The following TRHR variants were observed in gnomAD, a reference collection of about 807,000 sequenced individuals.
TRHR encodes the protein thyrotropin-releasing hormone receptor.
Under a neutral mutation model 28.0 loss-of-function variants are expected in TRHR, and 14 were observed. That is an observed-to-expected ratio of 0.50 (90% CI 0.33 to 0.78). The LOEUF (loss-of-function observed/expected upper bound fraction) is 0.78. TRHR is among the 30% of genes least tolerant of loss of function. The pLI is 0.02. For missense variants in TRHR, 438 were observed against 469.5 expected, an observed-to-expected ratio of 0.93 and a Z score of 0.62; for synonymous variants, 176 against 171.9, an observed-to-expected ratio of 1.02 and a Z score of -0.18.
intron 2 of TRHR, among the ~76,000 whole-genome samples, chr8:109,110,417 T>A (rs537835741): frequency 7.2e-5 from 11 of 152,072 alleles, no homozygotes; most frequent in African/African-American, 2.2e-4. Flanking sequence ...TATGTCACTT[T>A]TTTTTTTTCT....
At chr8:109,118,960 G>A in intron 2 of TRHR, 88 bp from the exon 3 acceptor site, 2 of 1,540,120 alleles carry the variant, frequency 1.3e-6, no homozygotes, top group Non-Finnish European at 1.8e-6. Context: ...CTACATTTTG[G>A]GAACTAAAGG....
In TRHR at chr8:109,088,070, T is replaced by A; in HGVS notation, c.558T>A (p.Asn186Lys). The A allele has an allele frequency of 1.2e-6, 2 of 1,614,198 alleles. No individual in the cohort carries two copies. Among genetic ancestry groups the A allele is most frequent in the Non-Finnish European group, 1.7e-6 (2 of 1,180,038 alleles). Reference protein sequence around the residue: ...VISCGYKISRNYYSPIYLMDF... With the variant: ...VISCGYKISRKYYSPIYLMDF... Reference sequence around the variant, plus strand: ...CCTGTGGCTACAAGATCTCCAGGAATTACTACTCACCTATTTACCTAATGG... The same window carrying A: ...CCTGTGGCTACAAGATCTCCAGGAAATACTACTCACCTATTTACCTAATGG... The change falls in exon 2 of 3, where the codon AAT (asparagine) becomes AAA (lysine). Residue 186 changes from asparagine (N) to lysine (K), a missense_variant. Coordinates refer to ENST00000518632, the MANE Select transcript of TRHR (RefSeq NM_003301.7).
rs1025884483 is a variant in TRHR, at chr8:109,119,899, T to C, written c.*444T>C. On this transcript the variant is annotated 3_prime_UTR_variant, in exon 3 of 3. Coordinates refer to ENST00000518632, the MANE Select transcript of TRHR (RefSeq NM_003301.7). ...TTTGCATTTAGTATTCATTTTAACA[T>C]AGTACAGGGCTAGTTCATGAATATC... Among the ~76,000 whole-genome samples the C allele has an allele frequency of 1.3e-5, 2 of 151,866 alleles. No individual in the cohort carries two copies. The highest frequency in any genetic ancestry group is 2.9e-5 in the Non-Finnish European group (2 of 67,882).
chr8:109,106,441 G>A (rs993712267), intron 2 of TRHR, among the ~76,000 whole-genome samples: 4 of 152,104 alleles, frequency 2.6e-5, no homozygotes, highest in African/African-American at 9.7e-5. Flanking sequence ...AAATCATATT[G>A]AGTTAGCATT....
chr8:109,096,139 G>A (rs762034435), intron 2 of TRHR, among the ~76,000 whole-genome samples: 4 of 151,920 alleles, frequency 2.6e-5, no homozygotes, highest in Admixed American at 1.3e-4. Flanking sequence ...CTACATTTTC[G>A]GCTTCCTCTC....
At chr8:109,093,565 C>A (rs557544337) in intron 2 of TRHR, among the ~76,000 whole-genome samples, 14 of 151,890 alleles carry the variant, frequency 9.2e-5, no homozygotes, top group East Asian at 1.9e-4. Context: ...ACCACCATGG[C>A]CAGCTAATTT....
At chr8:109,107,493 C>T (rs1160027286) in intron 2 of TRHR, among the ~76,000 whole-genome samples, 3 of 152,206 alleles carry the variant, frequency 2.0e-5, no homozygotes, top group South Asian at 2.1e-4. Context: ...CTGTCCCCTT[C>T]ACCACTATAC....
Position 109,112,351 on chromosome 8 carries a change from C to G in TRHR, c.790-6697C>G, listed in dbSNP as rs560781115. ...TGAGGTATGAATCAAATCCTTATGA[C>G]TCCCTAGGCAAACTAATAAGCTAAT... is the stretch of plus-strand genomic sequence containing the variant. On this transcript the variant is annotated intron_variant, in intron 2 of 2. Coordinates refer to ENST00000518632, the MANE Select transcript of TRHR (RefSeq NM_003301.7). 3.8e-4 allele frequency among the ~76,000 whole-genome samples: 58 copies of G among 152,248 alleles called. 1 individual carries two copies. The South Asian group carries it at 0.011, about 30-fold the overall frequency.
At chr8:109,099,820 G>C (rs1811649364) in intron 2 of TRHR, among the ~76,000 whole-genome samples, 1 of 152,188 alleles carries the variant, frequency 6.6e-6, no homozygotes. Context: ...TATAGTAGCT[G>C]CAAGAAAGTA....
At chr8:109,101,242 G>A (rs554745356) in intron 2 of TRHR, among the ~76,000 whole-genome samples, 1 of 152,254 alleles carries the variant, frequency 6.6e-6, no homozygotes, top group Admixed American at 6.5e-5. Flanking sequence ...ATAGCATTGA[G>A]GATAGGGAAG....
rs1301860730 is a variant in TRHR at position 109,119,614 on chromosome 8, G to T, written c.*159G>T. ...GGCCCTAGATACTTTAACCCATGAG[G>T]ATGATTCAGACTTTCCTTCTTACAA... On this transcript the variant is annotated 3_prime_UTR_variant, in exon 3 of 3. Transcript: ENST00000518632. The T allele has an allele frequency of 1.3e-6, 1 of 781,972 alleles. No individual in the cohort carries two copies. Among genetic ancestry groups the T allele is most frequent in the Non-Finnish European group, 2.0e-6 (1 of 498,624 alleles). 48.4% of individuals were successfully genotyped at this position (781,972 alleles called of 1,614,324 possible).
chr8:109,115,704 G>A (rs1276702480), intron 2 of TRHR, among the ~76,000 whole-genome samples: 1 of 152,128 alleles, frequency 6.6e-6, no homozygotes, highest in Non-Finnish European at 1.5e-5. Context: ...AGGAGATTTT[G>A]GGCTGAGACG....
chr8:109,099,007 G>GTA (rs1811637733), intron 2 of TRHR, among the ~76,000 whole-genome samples: 1 of 152,042 alleles, frequency 6.6e-6, no homozygotes, highest in Non-Finnish European at 1.5e-5. Flanking sequence ...TGGTGCCTAG[G>GTA]GACATACTGA....
chr8:109,117,160 G>T (rs1277323203), intron 2 of TRHR, among the ~76,000 whole-genome samples: 1 of 151,926 alleles, frequency 6.6e-6, no homozygotes, highest in Non-Finnish European at 1.5e-5. Flanking sequence ...GAATTTAAGT[G>T]TTTGGGTGAT....
At chr8:109,092,874 AC>A (rs1458234489) in intron 2 of TRHR, among the ~76,000 whole-genome samples, 1 of 151,888 alleles carries the variant, frequency 6.6e-6, no homozygotes, top group African/African-American at 2.4e-5. Flanking sequence ...TTACCTCCTG[AC>A]CCCACCTCTC....
chr8:109,115,931 T>C (rs1425373130), intron 2 of TRHR, among the ~76,000 whole-genome samples: 1 of 152,148 alleles, frequency 6.6e-6, no homozygotes, highest in Non-Finnish European at 1.5e-5. Context: ...CAGTATGATA[T>C]TGGCTGTGGG....
chr8:109,101,693 G>C (rs529837315), intron 2 of TRHR, among the ~76,000 whole-genome samples: 43 of 152,242 alleles, frequency 2.8e-4, no homozygotes, highest in African/African-American at 1.0e-3. Context: ...GTTTAGTTTT[G>C]TCCATGTTGT....
At chr8:109,117,190 T>G (rs1416406418) in intron 2 of TRHR, among the ~76,000 whole-genome samples, 1 of 151,874 alleles carries the variant, frequency 6.6e-6, no homozygotes, top group African/African-American at 2.4e-5. Context: ...AATAACACAG[T>G]AGAAATGTTA....
At position 109,087,532 on chromosome 8, in the gene TRHR, G is replaced by C; in HGVS notation, c.20G>C (p.Ser7Thr). The C allele has an allele frequency of 6.2e-7, 1 of 1,614,234 alleles. No individual in the cohort carries two copies. The highest frequency in any genetic ancestry group is 1.1e-5 in the South Asian group (1 of 91,088). MENETVSELNQTQLQPR... is the reference protein window; with the variant it reads MENETVTELNQTQLQPR... Reference sequence around the variant, plus strand: ...CTAAAGATGGAAAACGAGACAGTCAGTGAACTGAACCAAACACAGCTTCAG... The same window carrying C: ...CTAAAGATGGAAAACGAGACAGTCACTGAACTGAACCAAACACAGCTTCAG... Residue 7 changes from serine to threonine, a missense_variant, in exon 2 of 3, where the codon AGT becomes ACT. Coordinates refer to ENST00000518632, the MANE Select transcript of TRHR (RefSeq NM_003301.7).
Sources: gnomAD v4.1 joint callset for allele counts (sites outside exome capture counted in the v4.1 genomes callset) on GRCh38, gnomAD v4.1.1 for gene constraint, MANE v1.5 for transcripts, NCBI Gene and HGNC (gene_info 2026-07-23, HGNC 2026-07-21) for gene names.